ANO10: variants seen among roughly 807,000 people sequenced by gnomAD.
ANO10 encodes anoctamin 10.
ANO10 carries 77 observed loss-of-function variants against 74.7 expected under a neutral mutation model. The ratio of observed to expected loss-of-function variants is 1.03; its 90% CI spans 0.86 to 1.25. The LOEUF (loss-of-function observed/expected upper bound fraction) is 1.25, where lower values mean the gene tolerates loss of function less well. Among genes scored for constraint, ANO10 ranks in the 50% most tolerant of loss-of-function variants. The pLI is 0.00. For synonymous variants in ANO10, 279 were observed against 284.9 expected (o/e 0.98, Z 0.21); for missense variants, 721 against 778.1 (o/e 0.93, Z 0.87).
At chr3:43,625,258 C>T (rs1345494750), upstream of ANO10, among the ~76,000 whole-genome samples, 2 of 152,204 alleles carry the variant, frequency 1.3e-5, no homozygotes, top group African/African-American at 2.4e-5. Context: ...CTACATGGTC[C>T]GGCTTCTCTC....
At chr3:43,404,729 A>C (rs1371568793) in intron 12 of ANO10, among the ~76,000 whole-genome samples, 2 of 151,906 alleles carry the variant, frequency 1.3e-5, no homozygotes, top group East Asian at 3.9e-4. Context: ...AAAAAATAAA[A>C]AAAAATTAGC....
chr3:43,642,488 C>T (rs533847497), intron 1 of ANO10, among the ~76,000 whole-genome samples: 5 of 152,200 alleles, frequency 3.3e-5, no homozygotes, highest in Non-Finnish European at 5.9e-5. Flanking sequence ...GCTGTGGTTG[C>T]CACATTTGAA....
intron 1 of ANO10, among the ~76,000 whole-genome samples, chr3:43,683,429 A>G (rs2084228583): frequency 6.6e-6 from 1 of 152,226 alleles, no homozygotes; most frequent in Non-Finnish European, 1.5e-5. Flanking sequence ...GAAACAAAAG[A>G]GGATACAAAC....
chr3:43,620,146 G>GCACA (rs1263595282), intron 1 of ANO10, among the ~76,000 whole-genome samples: 1 of 152,010 alleles, frequency 6.6e-6, no homozygotes, highest in Non-Finnish European at 1.5e-5. Context: ...TCACCTCCAA[G>GCACA]CACAGTACTA....
At chr3:43,616,542 G>A (rs1267595348) in intron 1 of ANO10, among the ~76,000 whole-genome samples, 7 of 152,176 alleles carry the variant, frequency 4.6e-5, no homozygotes, top group Admixed American at 4.6e-4. Context: ...TGAGAATCAT[G>A]TAGGTAGAGG....
At chr3:43,473,467 T>C (rs1490191813) in intron 11 of ANO10, among the ~76,000 whole-genome samples, 1 of 152,190 alleles carries the variant, frequency 6.6e-6, no homozygotes, top group African/African-American at 2.4e-5. Context: ...AGAGAGAGCA[T>C]GACCACCCCT....
At chr3:43,691,266 G>A in intron 1 of ANO10, 1 of 386,684 alleles carries the variant, frequency 2.6e-6, no homozygotes, top group Non-Finnish European at 4.5e-6. Flanking sequence ...TGTCTGAGCC[G>A]GACTCCGGCC....
At chr3:43,605,392 C>T (rs1259851160) in intron 2 of ANO10, among the ~76,000 whole-genome samples, 1 of 152,118 alleles carries the variant, frequency 6.6e-6, no homozygotes, top group Non-Finnish European at 1.5e-5. Flanking sequence ...GATACTTGTC[C>T]ATTCATTTGA....
At chr3:43,631,410 T>A (rs1262829225) in intron 1 of ANO10, among the ~76,000 whole-genome samples, 1 of 152,200 alleles carries the variant, frequency 6.6e-6, no homozygotes, top group African/African-American at 2.4e-5. Context: ...TCAGTTGGCC[T>A]TATTACTGCT....
At chr3:43,487,868 C>T (rs1181899264) in intron 11 of ANO10, among the ~76,000 whole-genome samples, 1 of 151,838 alleles carries the variant, frequency 6.6e-6, no homozygotes. Flanking sequence ...CAAGTCAATC[C>T]TAAGCCAAAA....
At chr3:43,669,716 T>TTTTATTTA (rs142716450) in intron 1 of ANO10, among the ~76,000 whole-genome samples, 94 of 151,922 alleles carry the variant, frequency 6.2e-4, no homozygotes, top group African/African-American at 2.1e-3. Context: ...TCTTTTTAGT[T>TTTTATTTA]TTTATTTATT....
chr3:43,540,108 G>A (rs1175430805), intron 11 of ANO10, among the ~76,000 whole-genome samples: 1 of 152,214 alleles, frequency 6.6e-6, no homozygotes, highest in African/African-American at 2.4e-5. Flanking sequence ...CCAAGGAACA[G>A]AAGCCCATTT....
chr3:43,574,705 T>C, intron 7 of ANO10, 104 bp downstream of exon 7: 1 of 912,680 alleles, frequency 1.1e-6, no homozygotes, highest in Non-Finnish European at 1.8e-6. Flanking sequence ...ACAAAATATA[T>C]TGATATCTTA....
At chr3:43,533,300 T>C (rs2078555922) in intron 11 of ANO10, among the ~76,000 whole-genome samples, 1 of 152,222 alleles carries the variant, frequency 6.6e-6, no homozygotes, top group Non-Finnish European at 1.5e-5. Context: ...GGCTAAGCCA[T>C]GCCCCTGCCT....
intron 4 of ANO10, among the ~76,000 whole-genome samples, chr3:43,587,486 G>T (rs1403774919): frequency 6.6e-6 from 1 of 152,206 alleles, no homozygotes; most frequent in Non-Finnish European, 1.5e-5. Flanking sequence ...ACACCAAGTG[G>T]GAACTTCCAA....
intron 1 of ANO10, among the ~76,000 whole-genome samples, chr3:43,621,607 C>T (rs2083395858): frequency 6.6e-6 from 1 of 152,188 alleles, no homozygotes; most frequent in African/African-American, 2.4e-5. Context: ...TCCGCCTCAC[C>T]GCCTTTCTCT....
rs929535709 is a variant in ANO10 at position 43,621,986 on chromosome 3, C to T, written c.-89G>A. ...ACCGGAGGCCGGGCGAAAGAGTGCT[C>T]GGTGCGGGGGGCGGGCCAGGCCAGT... On this transcript the variant is annotated 5_prime_UTR_variant, in exon 1 of 13. Transcript: ENST00000292246. 2 of 152,436 alleles carry T rather than the reference C, an allele frequency of 1.3e-5. No individual in the cohort carries two copies. The highest frequency in any genetic ancestry group is 4.8e-5 in the African/African-American group (2 of 41,428). 9.4% of individuals were successfully genotyped at this position (152,436 alleles called of 1,614,324 possible).
At chr3:43,411,095 C>T (rs1483056122) in intron 12 of ANO10, among the ~76,000 whole-genome samples, 1 of 152,070 alleles carries the variant, frequency 6.6e-6, no homozygotes, top group African/African-American at 2.4e-5. Context: ...TTATTACCTC[C>T]ATAATTATGT....
chr3:43,512,097 T>C (rs1403961741), intron 11 of ANO10, among the ~76,000 whole-genome samples: 3 of 152,132 alleles, frequency 2.0e-5, no homozygotes, highest in Admixed American at 6.5e-5. Context: ...GTGGGGACTT[T>C]TACCAGGACA....
Sources: gnomAD v4.1 joint callset for allele counts (sites outside exome capture counted in the v4.1 genomes callset) on GRCh38, gnomAD v4.1.1 for gene constraint, MANE v1.5 for transcripts, NCBI Gene and HGNC (gene_info 2026-07-23, HGNC 2026-07-21) for gene names.